Variants in ANO4 observed in about 807,000 individuals in gnomAD.
The protein encoded by ANO4 is anoctamin-4.
Under a neutral mutation model 141.9 loss-of-function variants are expected in ANO4, and 69 were observed. The ratio of observed to expected loss-of-function variants is 0.49; its 90% CI spans 0.40 to 0.59. The LOEUF (loss-of-function observed/expected upper bound fraction) is 0.59, where lower values mean the gene tolerates loss of function less well. Ranked by LOEUF, ANO4 falls within the 20% of genes least tolerant of loss-of-function variation. The pLI, the probability that ANO4 is intolerant of heterozygous loss-of-function variation, is 0.00. For synonymous variants in ANO4, 350 were observed against 394.3 expected, an observed-to-expected ratio of 0.89 and a Z score of 1.33; for missense variants, 894 against 1,162.2, an observed-to-expected ratio of 0.77 and a Z score of 3.36.
chr12:100,810,212 G>C (rs1416545726), intron 1 of ANO4, among the ~76,000 whole-genome samples: 1 of 151,948 alleles, frequency 6.6e-6, no homozygotes, highest in African/African-American at 2.4e-5. Context: ...CATGAGCTGG[G>C]GAGGGAGGGA....
chr12:100,839,612 T>TA (rs2037131005), intron 1 of ANO4, among the ~76,000 whole-genome samples: 1 of 152,228 alleles, frequency 6.6e-6, no homozygotes, highest in Admixed American at 6.5e-5. Context: ...CATTTTCAAA[T>TA]AAATAAGGTA....
intron 3 of ANO4, among the ~76,000 whole-genome samples, chr12:100,924,188 A>T (rs150775419): frequency 7.4e-4 from 113 of 151,988 alleles, no homozygotes; most frequent in African/African-American, 2.6e-3. Flanking sequence ...ATTGCTTTTG[A>T]TGTTTTAGTC....
At chr12:101,108,424 T>C (rs1429449331) in intron 22 of ANO4, among the ~76,000 whole-genome samples, 1 of 152,166 alleles carries the variant, frequency 6.6e-6, no homozygotes, top group Non-Finnish European at 1.5e-5. Context: ...TAACTTGTTT[T>C]GGGCAAGTTA....
Position 101,101,897 on chromosome 12 carries a change from A to G in ANO4, c.2149+2177A>G, listed in dbSNP as rs535807559. On this transcript the variant is annotated intron_variant, in intron 22 of 27. Coordinates refer to ENST00000392977, the MANE Select transcript of ANO4 (RefSeq NM_001286615.2). ...CACGAGTTCAAGACCAGCCTGGCCAATGTGGTGAAACGCCGTCTGTACTGA... is the reference window on the plus strand; with the variant it reads ...CACGAGTTCAAGACCAGCCTGGCCAGTGTGGTGAAACGCCGTCTGTACTGA... Among the ~76,000 whole-genome samples, 5 of 152,220 alleles carry G rather than the reference A, an allele frequency of 3.3e-5. No homozygotes were observed. In the South Asian group the frequency reaches 1.0e-3, roughly 32 times the overall value.
At chr12:100,944,832 T>A (rs1176340318) in intron 5 of ANO4, among the ~76,000 whole-genome samples, 1 of 152,206 alleles carries the variant, frequency 6.6e-6, no homozygotes, top group Non-Finnish European at 1.5e-5. Flanking sequence ...AAACAAACCT[T>A]CATCCTTTAT....
chr12:100,817,579 T>C (rs140430125), intron 1 of ANO4, among the ~76,000 whole-genome samples: 47 of 151,950 alleles, frequency 3.1e-4, no homozygotes, highest in Non-Finnish European at 6.0e-4. Context: ...GGGAAAACTT[T>C]ATAGCCACGA....
intron 1 of ANO4, among the ~76,000 whole-genome samples, chr12:100,798,899 G>A (rs2034512060): frequency 6.6e-6 from 1 of 152,222 alleles, no homozygotes; most frequent in Admixed American, 6.5e-5. Flanking sequence ...TTTGGTGTGT[G>A]TGAGCCAGCA....
intron 17 of ANO4, among the ~76,000 whole-genome samples, chr12:101,092,993 T>C: frequency 6.6e-6 from 1 of 152,182 alleles, no homozygotes; most frequent in Non-Finnish European, 1.5e-5. Context: ...AAAATATATT[T>C]GATTAGAACA....
intron 1 of ANO4, among the ~76,000 whole-genome samples, chr12:100,827,279 C>A (rs528030412): frequency 6.6e-5 from 10 of 152,106 alleles, no homozygotes; most frequent in Admixed American, 2.0e-4. Context: ...GACCTTTGTA[C>A]TCGCGATTCC....
intron 7 of ANO4, among the ~76,000 whole-genome samples, chr12:100,975,529 CTCCTGCCTCCAAGCGATT>C (rs2136287444): frequency 2.3e-5 from 1 of 44,230 alleles, no homozygotes; most frequent in South Asian, 8.6e-4. Flanking sequence ...TCAAGCGATT[CTCCTGCCTCCAAGCGATT>C]CTCCTGCCTC....
In ANO4 at chr12:100,942,041, C is replaced by T. The variant is rs972193052; in HGVS notation, c.298-336C>T. ...TGTTGCCCAGGCTGAAGTGCAGTGG[C>T]GCGATCTGGGCTCACTGCAACCTCC... On this transcript the variant is annotated intron_variant, in intron 4 of 27. Transcript: ENST00000392977. 3.3e-5 allele frequency among the ~76,000 whole-genome samples: 5 copies of T among 150,954 alleles called. No homozygotes were observed. The East Asian group carries it at 5.8e-4, about 18-fold the overall frequency.
At chr12:100,996,968 A>T (rs2045408958) in intron 8 of ANO4, among the ~76,000 whole-genome samples, 1 of 152,214 alleles carries the variant, frequency 6.6e-6, no homozygotes, top group Non-Finnish European at 1.5e-5. Flanking sequence ...GTAAGGGTAG[A>T]ATAATGATGG....
intron 1 of ANO4, among the ~76,000 whole-genome samples, chr12:100,875,136 A>G (rs1033400739): frequency 1.3e-5 from 2 of 152,070 alleles, no homozygotes; most frequent in Non-Finnish European, 2.9e-5. Flanking sequence ...CAGAGGTGGA[A>G]TATGTGGTTT....
intron 22 of ANO4, among the ~76,000 whole-genome samples, chr12:101,105,694 G>A (rs982606649): frequency 1.9e-4 from 29 of 152,136 alleles, no homozygotes; most frequent in African/African-American, 3.6e-4. Flanking sequence ...TATGATTTAC[G>A]TATAAAAATA....
intron 1 of ANO4, among the ~76,000 whole-genome samples, chr12:100,723,534 C>A (rs2030961429): frequency 6.6e-6 from 1 of 152,084 alleles, no homozygotes; most frequent in Admixed American, 6.5e-5. Flanking sequence ...ATAGAGATTA[C>A]CCAGCTAGGA....
At chr12:100,827,422 A>C (rs774772152) in intron 1 of ANO4, among the ~76,000 whole-genome samples, 5 of 152,036 alleles carry the variant, frequency 3.3e-5, no homozygotes, top group Non-Finnish European at 7.4e-5. Flanking sequence ...AAAAGAAAGA[A>C]ATACCCCCCC....
At chr12:101,127,630 T>G (rs1252859451) in intron 27 of ANO4, among the ~76,000 whole-genome samples, 1 of 152,164 alleles carries the variant, frequency 6.6e-6, no homozygotes, top group Non-Finnish European at 1.5e-5. Flanking sequence ...TGCCTGCCTG[T>G]TTCTATTTCC....
chr12:100,796,222 AT>A (rs939837135), intron 1 of ANO4, among the ~76,000 whole-genome samples: 2 of 152,140 alleles, frequency 1.3e-5, no homozygotes, highest in African/African-American at 4.8e-5. Context: ...TTCTTGCCAA[AT>A]GTAATTCAGT....
intron 18 of ANO4, among the ~76,000 whole-genome samples, chr12:101,094,864 G>A (rs1240552172): frequency 2.0e-5 from 3 of 152,124 alleles, no homozygotes. Flanking sequence ...GCATGTACCT[G>A]TAGTCTCAGC....
Sources: allele counts gnomAD v4.1 joint callset (sites outside exome capture counted in the v4.1 genomes callset), GRCh38; gene constraint gnomAD v4.1.1; transcripts MANE v1.5; gene names NCBI Gene and HGNC (gene_info 2026-07-23, HGNC 2026-07-21).